The following CENPP variants were observed in gnomAD, a reference collection of about 807,000 sequenced individuals.
CENPP encodes the protein centromere protein P.
CENPP carries 24 observed loss-of-function variants against 35.6 expected under a neutral mutation model. The observed-to-expected ratio is 0.67, with a 90% CI of 0.49 to 0.95. The LOEUF (loss-of-function observed/expected upper bound fraction) is 0.95. CENPP is among the 40% of genes least tolerant of loss of function. The probability of loss-of-function intolerance (pLI) is 0.00; values close to 1 mark genes in which losing one functional copy is unlikely to be tolerated. For synonymous variants in CENPP, 120 were observed against 125.5 expected (o/e 0.96, Z 0.29); for missense variants, 332 against 345.3 (o/e 0.96, Z 0.31).
At chr9:92,351,226 C>A (rs939685976) in intron 4 of CENPP, among the ~76,000 whole-genome samples, 6 of 152,272 alleles carry the variant, frequency 3.9e-5, no homozygotes, top group Admixed American at 2.6e-4. Flanking sequence ...TGTGGTGGCT[C>A]ACGCCTATAA....
chr9:92,559,559 T>C (rs976293073), intron 5 of CENPP, among the ~76,000 whole-genome samples: 2 of 152,176 alleles, frequency 1.3e-5, no homozygotes, highest in African/African-American at 2.4e-5. Context: ...TTGCAGTCGA[T>C]CTGGAGCTAG....
chr9:92,408,074 C>T (rs1345972682), intron 5 of CENPP, among the ~76,000 whole-genome samples: 1 of 152,214 alleles, frequency 6.6e-6, no homozygotes, highest in East Asian at 1.9e-4. Context: ...AGTGGATTAG[C>T]TTTCAATGAA....
intron 4 of CENPP, among the ~76,000 whole-genome samples, chr9:92,362,414 T>C (rs117782319): frequency 0.029 from 4,399 of 152,300 alleles, 73 homozygotes; most frequent in Non-Finnish European, 0.045. Flanking sequence ...TTCTTTCTAC[T>C]TTTTTCCCCC....
chr9:92,350,021 A>C (rs1841403801), intron 4 of CENPP, among the ~76,000 whole-genome samples: 1 of 152,192 alleles, frequency 6.6e-6, no homozygotes, highest in African/African-American at 2.4e-5. Context: ...TTGTATTCCC[A>C]CCAGTAATGT....
intron 5 of CENPP, among the ~76,000 whole-genome samples, chr9:92,582,448 G>A (rs1249805199): frequency 6.6e-6 from 1 of 152,140 alleles, no homozygotes; most frequent in African/African-American, 2.4e-5. Flanking sequence ...GGGACATCCA[G>A]ATAGAACAGA....
At chr9:92,388,003 A>G (rs930856700) in intron 5 of CENPP, among the ~76,000 whole-genome samples, 4 of 151,796 alleles carry the variant, frequency 2.6e-5, no homozygotes, top group East Asian at 1.9e-4. Flanking sequence ...AGCTCAGGCA[A>G]TCTGCCCGCC....
In CENPP at chr9:92,332,332, C is replaced by A. The variant is rs367742618; in HGVS notation, c.270C>A (p.Ser90Arg). The A allele has an allele frequency of 5.2e-5, 82 of 1,588,796 alleles. No individual in the cohort carries two copies. The highest frequency in any genetic ancestry group is 6.8e-5 in the Non-Finnish European group (80 of 1,169,688). Residue 90 changes from serine to arginine, a missense_variant, in exon 2 of 8, where the codon AGC (serine) becomes AGA (arginine). Physicochemically the swap from Ser to Arg is moderately radical, Grantham distance 110. Coordinates refer to ENST00000375587, the MANE Select transcript of CENPP (RefSeq NM_001012267.3). ...NHSKQTEDLT[S>R]TEMTEKSIRK... ...CCAAGCAGACAGAAGACCTAACAAG[C>A]ACTGAGATGACAGAAAAGAGTAAGC...
intron 5 of CENPP, among the ~76,000 whole-genome samples, chr9:92,428,034 G>A (rs1844012512): frequency 6.6e-6 from 1 of 152,190 alleles, no homozygotes; most frequent in African/African-American, 2.4e-5. Context: ...TTGTAAGGCA[G>A]ATAATGACAC....
chr9:92,341,072 G>A (rs775287689), intron 3 of CENPP, among the ~76,000 whole-genome samples: 15 of 152,096 alleles, frequency 9.9e-5, no homozygotes, highest in East Asian at 1.9e-4. Context: ...CCCCCCAGGG[G>A]CGCCTGTCTC....
At chr9:92,561,260 A>G (rs1849841118) in intron 5 of CENPP, among the ~76,000 whole-genome samples, 1 of 152,166 alleles carries the variant, frequency 6.6e-6, no homozygotes, top group South Asian at 2.1e-4. Flanking sequence ...CTATAAGAAC[A>G]AGACAAACTA....
At position 92,613,102 on chromosome 9, in the gene CENPP, G is replaced by A. The variant is rs1181320421; in HGVS notation, c.820G>A (p.Ala274Thr). Residue 274 changes from alanine to threonine, a missense_variant, in exon 8 of 8, where the codon GCT becomes ACT. Coordinates refer to ENST00000375587, the MANE Select transcript of CENPP (RefSeq NM_001012267.3). ...TLVGLLGIEAALESLIKSLCA... is the reference protein window; with the variant it reads ...TLVGLLGIEATLESLIKSLCA... ...GGTAGGACTGCTTGGAATCGAAGCT[G>A]CTCTGGAAAGCCTGATAAAATCGCT... The A allele has an allele frequency of 6.2e-7, 1 of 1,614,212 alleles. No individual in the cohort carries two copies.
chr9:92,491,217 A>G (rs1846163585), intron 5 of CENPP, among the ~76,000 whole-genome samples: 1 of 152,176 alleles, frequency 6.6e-6, no homozygotes, highest in Non-Finnish European at 1.5e-5. Context: ...ATTATGTAGG[A>G]CCTAACTAAT....
intron 4 of CENPP, among the ~76,000 whole-genome samples, chr9:92,373,594 G>A (rs1174460406): frequency 6.6e-6 from 1 of 152,088 alleles, no homozygotes; most frequent in Non-Finnish European, 1.5e-5. Flanking sequence ...TTGGGAGCCC[G>A]AGGTGGGCGG....
chr9:92,468,771 T>G (rs1845405717), intron 5 of CENPP, among the ~76,000 whole-genome samples: 1 of 152,148 alleles, frequency 6.6e-6, no homozygotes. Context: ...AGCTTGGCAG[T>G]AATACTACTT....
At chr9:92,374,392 A>G (rs1842080174) in intron 4 of CENPP, among the ~76,000 whole-genome samples, 1 of 151,924 alleles carries the variant, frequency 6.6e-6, no homozygotes, top group African/African-American at 2.4e-5. Flanking sequence ...TCTAGTAGAG[A>G]CGGAGGTTTC....
chr9:92,345,809 CT>C (rs1564270463), intron 4 of CENPP, 22 bp downstream of exon 4: 1 of 1,450,430 alleles, frequency 6.9e-7, no homozygotes, highest in Non-Finnish European at 9.6e-7. Flanking sequence ...TACAAACTTA[CT>C]TTTTTAGAGA....
At chr9:92,385,934 A>G in intron 5 of CENPP, 2 of 737,596 alleles carry the variant, frequency 2.7e-6, no homozygotes, top group Middle Eastern at 3.2e-4. Flanking sequence ...GAAATACTCA[A>G]ATGTACACCT....
intron 5 of CENPP, among the ~76,000 whole-genome samples, chr9:92,412,996 T>G (rs1430356995): frequency 6.8e-6 from 1 of 146,988 alleles, no homozygotes; most frequent in Admixed American, 6.8e-5. Context: ...TTTTTTTTTT[T>G]TTTTTGATAT....
rs1167100625 is a variant in CENPP, at chr9:92,614,481, T to A, written c.*1332T>A. On this transcript the variant is annotated 3_prime_UTR_variant, in exon 8 of 8. Coordinates refer to ENST00000375587, the MANE Select transcript of CENPP (RefSeq NM_001012267.3). ...AAAACAGTAAAAGTGTCCAGTTAGA[T>A]AAGTATCTTTTTGCACCTCTGAGAG... 6.6e-6 allele frequency: 1 copy of A among 152,640 alleles called. No individual in the cohort carries two copies. Among genetic ancestry groups the A allele is most frequent in the Non-Finnish European group, 1.5e-5 (1 of 68,058 alleles). 9.5% of individuals were successfully genotyped at this position (152,640 alleles called of 1,614,324 possible). A position where few individuals can be genotyped will look rare whatever the true frequency, so the allele number is the denominator to read the frequency against.
Sources: allele counts gnomAD v4.1 joint callset (sites outside exome capture counted in the v4.1 genomes callset), GRCh38; gene constraint gnomAD v4.1.1; transcripts MANE v1.5; gene names NCBI Gene and HGNC (gene_info 2026-07-23, HGNC 2026-07-21).